Variants in CATSPERE observed in about 807,000 individuals in gnomAD.
CATSPERE encodes the protein cation channel sperm-associated auxiliary subunit epsilon.
Under a neutral mutation model 114.1 loss-of-function variants are expected in CATSPERE, and 93 were observed. The ratio of observed to expected loss-of-function variants is 0.81; its 90% CI spans 0.69 to 0.97. The LOEUF is 0.97. Ranked by LOEUF, CATSPERE falls within the 50% of genes least tolerant of loss-of-function variation. The pLI is 0.00. For synonymous variants in CATSPERE, 341 were observed against 384.1 expected (o/e 0.89, Z 1.31); for missense variants, 1,058 against 1,131.6 (o/e 0.93, Z 0.93).
intron 5 of CATSPERE, among the ~76,000 whole-genome samples, chr1:244,482,021 A>G (rs971033303): frequency 5.3e-5 from 8 of 152,202 alleles, no homozygotes; most frequent in Non-Finnish European, 8.8e-5. Flanking sequence ...TGATCTAGAC[A>G]TGTTTTCTCC....
intron 2 of CATSPERE, among the ~76,000 whole-genome samples, chr1:244,467,903 G>T (rs895616661): frequency 2.6e-5 from 4 of 151,978 alleles, no homozygotes; most frequent in Non-Finnish European, 4.4e-5. Flanking sequence ...CAGGCAAGAG[G>T]AATCTATGTA....
At chr1:244,451,962 C>T, upstream of CATSPERE, 1 of 787,786 alleles carries the variant, frequency 1.3e-6, no homozygotes, top group African/African-American at 1.8e-5. This position sits in a 1 kb window ranked among gnomAD's most constrained non-coding sequence, Gnocchi z 6.6. Flanking sequence ...CCGCCACCCT[C>T]CAGCCAGTCC....
intron 21 of CATSPERE, among the ~76,000 whole-genome samples, chr1:244,639,136 C>A (rs1418801422): frequency 6.6e-6 from 1 of 152,216 alleles, no homozygotes. Flanking sequence ...ACCTGAGCTG[C>A]TGTCATACTG....
chr1:244,610,466 C>A lies in CATSPERE; in HGVS notation c.2490+140C>A, dbSNP rs185582542. 3.2e-3 allele frequency: 2,337 copies of A among 719,156 alleles called. 75 individuals are homozygous for A. The Admixed American group carries it at 0.045, about 14-fold the overall frequency. The allele number at this position is 719,156 out of a possible 1,614,324, so 44.5% of individuals were successfully genotyped here. A position where few individuals can be genotyped will look rare whatever the true frequency, so the allele number is the denominator to read the frequency against. On this transcript the variant is annotated intron_variant, in intron 19 of 21. Coordinates refer to ENST00000366534, the MANE Select transcript of CATSPERE (RefSeq NM_001130957.2). ...ATCCTATTTTTATATTAAATTGTAT[C>A]ATGGTATTTTTAAAATGCTTCATCT...
At chr1:244,598,648 T>C in intron 17 of CATSPERE, 1 of 305,964 alleles carries the variant, frequency 3.3e-6, no homozygotes, top group Non-Finnish European at 6.8e-6. Flanking sequence ...TGGACACACT[T>C]CTAAACAAAA....
intron 18 of CATSPERE, among the ~76,000 whole-genome samples, chr1:244,609,412 G>A (rs571407622): frequency 1.1e-3 from 161 of 150,662 alleles, no homozygotes; most frequent in African/African-American, 3.8e-3. Flanking sequence ...GTGCAGTGGC[G>A]TGATCTTGGC....
Position 244,474,318 on chromosome 1 carries a change from C to T in CATSPERE, c.115-3223C>T, listed in dbSNP as rs146681758. Among the ~76,000 whole-genome samples the T allele has an allele frequency of 4.6e-4, 70 of 152,230 alleles. 1 individual carries two copies. The East Asian group carries it at 0.011, about 23-fold the overall frequency. On this transcript the variant is annotated intron_variant, in intron 2 of 21. Coordinates refer to ENST00000366534, the MANE Select transcript of CATSPERE (RefSeq NM_001130957.2). ...AAGTACTGGGATTATAGGCGTGAGC[C>T]ACCGCACTCAGTTTACTGCTTAACA...
chr1:244,453,227 A>G (rs1282658406), upstream of CATSPERE, among the ~76,000 whole-genome samples: 1 of 152,208 alleles, frequency 6.6e-6, no homozygotes, highest in Non-Finnish European at 1.5e-5. Context: ...AAGATCACAA[A>G]CATTTTGGAA....
At chr1:244,520,103 A>G (rs1424791613) in intron 8 of CATSPERE, among the ~76,000 whole-genome samples, 1 of 152,176 alleles carries the variant, frequency 6.6e-6, no homozygotes, top group Non-Finnish European at 1.5e-5. Flanking sequence ...CAGGTTCTTC[A>G]TGATACCCTT....
intron 10 of CATSPERE, among the ~76,000 whole-genome samples, chr1:244,563,604 G>A (rs1409529824): frequency 6.6e-6 from 1 of 152,002 alleles, no homozygotes; most frequent in East Asian, 1.9e-4. Context: ...ACTTTTTGAT[G>A]GGGTTATTTT....
chr1:244,553,123 C>A (rs1417360735), intron 9 of CATSPERE, among the ~76,000 whole-genome samples: 1 of 152,138 alleles, frequency 6.6e-6, no homozygotes, highest in Admixed American at 6.5e-5. Flanking sequence ...ATATGAGCTG[C>A]CCAAAATGAA....
At chr1:244,584,908 A>G (rs1196123569) in intron 13 of CATSPERE, among the ~76,000 whole-genome samples, 1 of 152,134 alleles carries the variant, frequency 6.6e-6, no homozygotes, top group Non-Finnish European at 1.5e-5. Flanking sequence ...TCTGCCTACC[A>G]CATGCCAGCT....
At chr1:244,473,030 G>T (rs2148124657) in intron 2 of CATSPERE, among the ~76,000 whole-genome samples, 1 of 152,326 alleles carries the variant, frequency 6.6e-6, no homozygotes, top group Admixed American at 6.5e-5. Flanking sequence ...CCTAGTGAAA[G>T]ATATCCCAGT....
chr1:244,491,770 C>T (rs547328475), intron 6 of CATSPERE, among the ~76,000 whole-genome samples: 280 of 152,150 alleles, frequency 1.8e-3, no homozygotes, highest in African/African-American at 6.4e-3. Context: ...ATATCACCAC[C>T]GATCCCATAG....
In CATSPERE at chr1:244,502,574, C is replaced by G. The variant is rs76822741; in HGVS notation, c.429+3495C>G. Among the ~76,000 whole-genome samples, 298 of 152,280 alleles carry G rather than the reference C, an allele frequency of 2.0e-3. 2 individuals carry two copies. Among genetic ancestry groups the G allele is most frequent in the African/African-American group, 6.7e-3 (280 of 41,562 alleles). Reference sequence around the variant, plus strand: ...TTTCTGTCTCAGTGTTTTAAAGACACTGTTTCACCGGCTCCTTACTTCCAC... The same window carrying G: ...TTTCTGTCTCAGTGTTTTAAAGACAGTGTTTCACCGGCTCCTTACTTCCAC... On this transcript the variant is annotated intron_variant, in intron 7 of 21. Transcript: ENST00000366534.
chr1:244,476,798 G>T (rs1286067899), intron 2 of CATSPERE, among the ~76,000 whole-genome samples: 1 of 152,080 alleles, frequency 6.6e-6, no homozygotes, highest in East Asian at 1.9e-4. Context: ...GAATAGAGAG[G>T]CAGGGAAAAA....
rs775173326 is a variant in CATSPERE at position 244,552,398 on chromosome 1, G to T, written c.613G>T (p.Asp205Tyr). The change falls in exon 9 of 22, where the codon GAT (aspartate) becomes TAT (tyrosine). Residue 205 changes from aspartate (D) to tyrosine (Y), a missense_variant. Asp to Tyr is a radical substitution (Grantham distance 160, BLOSUM62 -3). This residue lies in a region of CATSPERE where 787 missense variants were observed against 905.6 expected (regional missense o/e 0.87). Transcript: ENST00000366534. ...TAGAGGAAACCAAGTTACTTTTCAG[G>T]ATTGCTTTATTGCAGATTTTCTTAT... Reference protein sequence around the residue: ...EIRGNQVTFQDCFIADFLILL... With the variant: ...EIRGNQVTFQYCFIADFLILL... 1.9e-6 allele frequency: 3 copies of T among 1,614,114 alleles called. No homozygotes were observed. Among genetic ancestry groups the T allele is most frequent in the South Asian group, 1.1e-5 (1 of 91,062 alleles).
At chr1:244,520,464 C>A (rs964699159) in intron 8 of CATSPERE, among the ~76,000 whole-genome samples, 1 of 152,128 alleles carries the variant, frequency 6.6e-6, no homozygotes, top group Non-Finnish European at 1.5e-5. Context: ...CAGTATATTT[C>A]TGGATTTTTA....
At chr1:244,530,843 T>C (rs1261894692) in intron 8 of CATSPERE, among the ~76,000 whole-genome samples, 1 of 152,202 alleles carries the variant, frequency 6.6e-6, no homozygotes. Flanking sequence ...ATGCTACTGA[T>C]TTTTATATGT....
Sources: allele counts gnomAD v4.1 joint callset (sites outside exome capture counted in the v4.1 genomes callset), GRCh38; gene constraint gnomAD v4.1.1; regional missense constraint gnomAD v4.1.1; non-coding constraint Gnocchi (gnomAD v3.1); transcripts MANE v1.5; gene names NCBI Gene and HGNC (gene_info 2026-07-23, HGNC 2026-07-21).